CUZD1: variants seen among roughly 807,000 people sequenced by gnomAD.
The protein encoded by CUZD1 is CUB and zona pellucida like domains 1, also known as CUB and zona pellucida-like domain-containing protein 1.
CUZD1 carries 42 observed loss-of-function variants against 53.1 expected under a neutral mutation model. The ratio of observed to expected loss-of-function variants is 0.79; its 90% CI spans 0.62 to 1.02. The LOEUF is 1.02. CUZD1 is among the 50% of genes least tolerant of loss of function. CUZD1 has a pLI of 0.00. For synonymous variants in CUZD1, 238 were observed against 257.2 expected, an observed-to-expected ratio of 0.93 and a Z score of 0.71; for missense variants, 670 against 715.7, an observed-to-expected ratio of 0.94 and a Z score of 0.73.
chr10:122,836,060 T>G, intron 6 of CUZD1, 118 bp downstream of exon 6: 1 of 854,610 alleles, frequency 1.2e-6, no homozygotes, highest in South Asian at 1.9e-5. Flanking sequence ...TATCATGTGG[T>G]TAAGCCACTA....
At chr10:122,843,677 T>A (rs1248953096) in intron 1 of CUZD1, among the ~76,000 whole-genome samples, 1 of 151,820 alleles carries the variant, frequency 6.6e-6, no homozygotes, top group Non-Finnish European at 1.5e-5. Context: ...ATTTCATTTA[T>A]GTGAAATATC....
At position 122,837,529 on chromosome 10, in the gene CUZD1, C is replaced by T; in HGVS notation, c.474G>A (p.Leu158=). Residue 158 remains leucine, a synonymous_variant, in exon 4 of 9, where the codon CTG becomes CTA. Coordinates refer to ENST00000392790, the MANE Select transcript of CUZD1 (RefSeq NM_022034.6). ...TGGTGAAGGATCCTTCCAAGGTATC[C>T]AGGTAACCGCCACAGTTTGGAATAG... is the stretch of plus-strand genomic sequence containing the variant. ...NISIPNCGGY[L]DTLEGSFTSP... 6.3e-7 allele frequency: 1 copy of T among 1,589,578 alleles called. No homozygotes were observed. Among genetic ancestry groups the T allele is most frequent in the Non-Finnish European group, 8.6e-7 (1 of 1,169,464 alleles).
At chr10:122,839,873 A>C (rs1287173746) in intron 2 of CUZD1, among the ~76,000 whole-genome samples, 3 of 152,300 alleles carry the variant, frequency 2.0e-5, no homozygotes, top group African/African-American at 7.2e-5. Context: ...TTTCCACTTT[A>C]GTCACTTACC....
chr10:122,836,754 AGGC>A, intron 5 of CUZD1, 74 bp downstream of exon 5: 1 of 1,128,270 alleles, frequency 8.9e-7, no homozygotes, highest in Non-Finnish European at 1.3e-6. Context: ...AGCCACAGGT[AGGC>A]TAAAAATTAA....
intron 1 of CUZD1, among the ~76,000 whole-genome samples, chr10:122,842,443 A>G (rs1847360229): frequency 6.6e-6 from 1 of 151,588 alleles, no homozygotes; most frequent in Non-Finnish European, 1.5e-5. Context: ...GTGTGGATCT[A>G]TTTCTGAACT....
intron 1 of CUZD1, among the ~76,000 whole-genome samples, chr10:122,842,287 T>G (rs1047728386): frequency 7.2e-5 from 11 of 152,234 alleles, no homozygotes; most frequent in Non-Finnish European, 2.9e-5. Flanking sequence ...CATTTTGAAC[T>G]AATTTATGTG....
intron 3 of CUZD1, 35 bp from the exon 4 acceptor site, chr10:122,837,589 T>C (rs765838544): frequency 3.3e-6 from 5 of 1,522,318 alleles, no homozygotes; most frequent in Admixed American, 4.6e-5. Flanking sequence ...AGAATGAACA[T>C]CAAAATAGAG....
intron 2 of CUZD1, 59 bp downstream of exon 2, chr10:122,841,119 C>T: frequency 6.7e-7 from 1 of 1,503,094 alleles, no homozygotes; most frequent in Non-Finnish European, 9.0e-7. Flanking sequence ...GTCCCCCTAC[C>T]CACCCCAATG....
In CUZD1 at chr10:122,835,204, G is replaced by A. The variant is rs562724102; in HGVS notation, c.991-107C>T. The A allele has an allele frequency of 1.8e-5, 14 of 776,772 alleles. No homozygotes were observed. In the African/African-American group the frequency reaches 2.1e-4, roughly 12 times the overall value. 48.1% of individuals were successfully genotyped at this position (776,772 alleles called of 1,614,324 possible). On this transcript the variant is annotated intron_variant, in intron 6 of 8. Transcript: ENST00000392790. ...TACAGACATAATTTTCTTAAATCAC[G>A]AGGTAACAGCTTTCATGTCAGAATA...
At chr10:122,835,387 A>G (rs1847233568) in intron 6 of CUZD1, among the ~76,000 whole-genome samples, 1 of 152,222 alleles carries the variant, frequency 6.6e-6, no homozygotes, top group African/African-American at 2.4e-5. Context: ...AGTCTTAAAA[A>G]GACATTACAC....
intron 1 of CUZD1, among the ~76,000 whole-genome samples, chr10:122,845,230 C>G (rs545518494): frequency 1.3e-5 from 2 of 152,108 alleles, no homozygotes; most frequent in African/African-American, 4.8e-5. Flanking sequence ...GCACGCATCA[C>G]CACACCTGGC....
At chr10:122,843,949 C>CTA (rs1170989626) in intron 1 of CUZD1, among the ~76,000 whole-genome samples, 1 of 145,856 alleles carries the variant, frequency 6.9e-6, no homozygotes, top group African/African-American at 2.5e-5. Flanking sequence ...TATATAGAGA[C>CTA]TATATATATA....
chr10:122,835,582 A>C (rs1313971252), intron 6 of CUZD1, among the ~76,000 whole-genome samples: 1 of 152,190 alleles, frequency 6.6e-6, no homozygotes, highest in African/African-American at 2.4e-5. Context: ...TTCTGTCTTT[A>C]TCAATTCCTC....
At chr10:122,837,797 T>C (rs1847277065) in intron 3 of CUZD1, 1 of 385,088 alleles carries the variant, frequency 2.6e-6, no homozygotes. Flanking sequence ...TGCTGTAACA[T>C]GTGTTGCATC....
At chr10:122,837,120 T>C (rs1847266506) in intron 4 of CUZD1, 72 bp from the exon 5 acceptor site, 1 of 1,177,382 alleles carries the variant, frequency 8.5e-7, no homozygotes, top group Admixed American at 2.4e-5. Context: ...ATCCCAACAA[T>C]CCTACTCTTA....
At chr10:122,844,348 T>G (rs1847399290) in intron 1 of CUZD1, among the ~76,000 whole-genome samples, 1 of 152,106 alleles carries the variant, frequency 6.6e-6, no homozygotes, top group South Asian at 2.1e-4. Flanking sequence ...AGACAGTTTC[T>G]TTTGGGGGTG....
chr10:122,839,242 A>G lies in CUZD1; in HGVS notation c.234-11T>C. ...CCATCTGGATCAAGCCTGTGGAAAA[A>G]ACACAACTGTGGCTGAAGAAGTGTC... is the stretch of plus-strand genomic sequence containing the variant. On this transcript the variant is annotated splice_polypyrimidine_tract_variant and intron_variant, in intron 2 of 8. Coordinates refer to ENST00000392790, the MANE Select transcript of CUZD1 (RefSeq NM_022034.6). The G allele has an allele frequency of 6.2e-7, 1 of 1,612,754 alleles. No individual in the cohort carries two copies. Among genetic ancestry groups the G allele is most frequent in the Non-Finnish European group, 8.5e-7 (1 of 1,178,926 alleles).
rs1322645692 is a variant in CUZD1 at position 122,836,258 on chromosome 10, T to C, written c.910A>G (p.Lys304Glu). 8 of 1,613,250 alleles carry C rather than the reference T, an allele frequency of 5.0e-6. No individual in the cohort carries two copies. The highest frequency in any genetic ancestry group is 5.9e-6 in the Non-Finnish European group (7 of 1,179,714). ...FNSNGNNLQL[K>E]DPTCRPKLSN... The stretch of plus-strand genomic sequence containing the variant: ...AATTTTGGTCTGCAAGTTGGGTCTT[T>C]TAGTTGCAAGTTATTCCCATTAGAG... Residue 304 changes from lysine (K) to glutamate (E), a missense_variant, in exon 6 of 9, where the codon AAA becomes GAA. Coordinates refer to ENST00000392790, the MANE Select transcript of CUZD1 (RefSeq NM_022034.6).
chr10:122,845,824 A>G lies in CUZD1; in HGVS notation c.20T>C (p.Leu7Pro). 6.2e-7 allele frequency: 1 copy of G among 1,614,034 alleles called. No homozygotes were observed. The highest frequency in any genetic ancestry group is 1.1e-5 in the South Asian group (1 of 90,962). The change falls in exon 1 of 9, where the codon CTC becomes CCC. Residue 7 changes from leucine to proline, a missense_variant. Physicochemically the swap from Leu to Pro is moderately conservative, Grantham distance 98 (BLOSUM62 -3). Transcript: ENST00000392790. ...GAGAATTAAGAGGGTCAATGGCATG[A>G]GCCTTCTTACAAGCTCCATTTTGGC... Reference protein sequence around the residue: MELVRRLMPLTLLILSC... With the variant: MELVRRPMPLTLLILSC...
Sources: gnomAD v4.1 joint callset for allele counts (sites outside exome capture counted in the v4.1 genomes callset) on GRCh38, gnomAD v4.1.1 for gene constraint, MANE v1.5 for transcripts, NCBI Gene and HGNC (gene_info 2026-07-23, HGNC 2026-07-21) for gene names.